The following ASTN2 variants were observed in gnomAD, a reference collection of about 807,000 sequenced individuals.
ASTN2 encodes astrotactin-2.
Under a neutral mutation model 139.8 loss-of-function variants are expected in ASTN2, and 54 were observed. The observed-to-expected ratio is 0.39, with a 90% CI of 0.31 to 0.48. The LOEUF is 0.48. Among genes scored for constraint, ASTN2 ranks in the 20% least tolerant of loss-of-function variants. The pLI, the probability that ASTN2 is intolerant of heterozygous loss-of-function variation, is 0.95. For synonymous variants in ASTN2, 756 were observed against 719.5 expected (o/e 1.05, Z -0.81); for missense variants, 1,565 against 1,725.1 (o/e 0.91, Z 1.64).
intron 1 of ASTN2, among the ~76,000 whole-genome samples, chr9:117,385,209 C>T (rs1040374581): frequency 6.6e-6 from 1 of 152,048 alleles, no homozygotes; most frequent in Non-Finnish European, 1.5e-5. Context: ...GAATATGCCT[C>T]GAACTCCTGG....
chr9:116,745,811 T>A (rs1305513550), intron 13 of ASTN2, among the ~76,000 whole-genome samples: 3 of 152,226 alleles, frequency 2.0e-5, no homozygotes, highest in African/African-American at 7.2e-5. Flanking sequence ...CACAAATATG[T>A]CATTAGCTCC....
At chr9:117,320,808 C>T (rs1272010990) in intron 1 of ASTN2, among the ~76,000 whole-genome samples, 1 of 152,190 alleles carries the variant, frequency 6.6e-6, no homozygotes, top group East Asian at 1.9e-4. Context: ...CCACCCCCAC[C>T]TGATCATGCT....
At chr9:117,058,186 G>T (rs1839121347) in intron 5 of ASTN2, among the ~76,000 whole-genome samples, 1 of 152,010 alleles carries the variant, frequency 6.6e-6, no homozygotes, top group Non-Finnish European at 1.5e-5. Flanking sequence ...TTTGATAAAA[G>T]AATAAATGGA....
rs150989388 is a variant in ASTN2, at chr9:117,254,195, T to C, written c.630+37131A>G. On this transcript the variant is annotated intron_variant, in intron 2 of 22. Coordinates refer to ENST00000313400, the MANE Select transcript of ASTN2 (RefSeq NM_001365068.1). ...ATAGAATGATGGTATGAGAAATAAA[T>C]GATAAGATGTATTGAAGCACATGGT... 4.6e-3 allele frequency among the ~76,000 whole-genome samples: 696 copies of C among 152,252 alleles called. 2 individuals carry two copies. Among genetic ancestry groups the C allele is most frequent in the Middle Eastern group, 0.014 (4 of 294 alleles).
intron 1 of ASTN2, among the ~76,000 whole-genome samples, chr9:117,322,232 C>T (rs1406119589): frequency 6.6e-6 from 1 of 152,158 alleles, no homozygotes; most frequent in Non-Finnish European, 1.5e-5. Flanking sequence ...TATGGTTATC[C>T]CTCTGCACTC....
intron 5 of ASTN2, among the ~76,000 whole-genome samples, chr9:117,065,578 A>T (rs1172241588): frequency 6.6e-6 from 1 of 152,284 alleles, no homozygotes; most frequent in Admixed American, 6.5e-5. Context: ...GTTTGCCTGG[A>T]GTGTAGACCA....
At chr9:116,840,739 G>T (rs1013393030) in intron 11 of ASTN2, among the ~76,000 whole-genome samples, 1 of 145,124 alleles carries the variant, frequency 6.9e-6, no homozygotes, top group East Asian at 2.1e-4. Flanking sequence ...CATCCCGGAC[G>T]GGGCGGCAGG....
At chr9:117,365,076 G>A (rs2130902439) in intron 1 of ASTN2, among the ~76,000 whole-genome samples, 1 of 151,810 alleles carries the variant, frequency 6.6e-6, no homozygotes, top group Non-Finnish European at 1.5e-5. Context: ...TTGAACCCTG[G>A]AGGTAGAGGT....
chr9:117,402,257 G>C (rs970058946), intron 1 of ASTN2, among the ~76,000 whole-genome samples: 1 of 152,046 alleles, frequency 6.6e-6, no homozygotes, highest in Non-Finnish European at 1.5e-5. Flanking sequence ...AGTAGAGATG[G>C]GGTTTCACCA....
intron 19 of ASTN2, among the ~76,000 whole-genome samples, chr9:116,517,843 C>T (rs972903302): frequency 6.6e-6 from 1 of 152,100 alleles, no homozygotes; most frequent in Non-Finnish European, 1.5e-5. Context: ...CAAGGACACG[C>T]TTAGAGAGAG....
At chr9:116,675,668 A>T (rs891411903) in intron 16 of ASTN2, among the ~76,000 whole-genome samples, 3 of 152,082 alleles carry the variant, frequency 2.0e-5, no homozygotes, top group Non-Finnish European at 4.4e-5. Context: ...GTGTTTGTAT[A>T]TGTGAAGGGG....
chr9:116,563,694 A>G (rs1265185537), intron 19 of ASTN2, among the ~76,000 whole-genome samples: 1 of 152,054 alleles, frequency 6.6e-6, no homozygotes, highest in African/African-American at 2.4e-5. Context: ...TTTCTTCTGT[A>G]TCAATTATCA....
rs72757409 is a variant in ASTN2 at position 117,000,343 on chromosome 9, C to T, written c.1591+7749G>A. On this transcript the variant is annotated intron_variant, in intron 7 of 22. Coordinates refer to ENST00000313400, the MANE Select transcript of ASTN2 (RefSeq NM_001365068.1). Reference sequence around the variant, plus strand: ...GGCTGTGTCTGACTCAGGAAGATATCCCAATTCTACTGTGGTTCACTACAT... The same window carrying T: ...GGCTGTGTCTGACTCAGGAAGATATTCCAATTCTACTGTGGTTCACTACAT... Among the ~76,000 whole-genome samples, 1,222 of 152,244 alleles carry T rather than the reference C, an allele frequency of 8.0e-3. 6 individuals carry two copies. Among genetic ancestry groups the T allele is most frequent in the Admixed American group, 0.012 (176 of 15,282 alleles).
rs371233848 is a variant in ASTN2 at position 116,699,230 on chromosome 9, C to G, written c.2806+26541G>C. ...TGGAAGGTGGAAAGCTTTGGTGTTT[C>G]ACAGTTGATCGAGGATCAGGGGTGG... On this transcript the variant is annotated intron_variant, in intron 16 of 22. Transcript: ENST00000313400. This position sits in a 1 kb window ranked among gnomAD's most constrained non-coding sequence, Gnocchi z 4.2. 2.8e-5 allele frequency: 46 copies of G among 1,614,114 alleles called. No individual in the cohort carries two copies. The highest frequency in any genetic ancestry group is 3.8e-5 in the Non-Finnish European group (45 of 1,180,054).
intron 5 of ASTN2, among the ~76,000 whole-genome samples, chr9:117,060,492 A>AAG (rs1839249054): frequency 1.3e-5 from 1 of 74,368 alleles, no homozygotes; most frequent in African/African-American, 6.3e-5. Context: ...AAGGAATGAA[A>AAG]GAAAGAAAGA....
rs200445639 is a variant in ASTN2 at position 116,727,064 on chromosome 9, G to GC, written c.2627-1115dup. On this transcript the variant is annotated intron_variant, in intron 15 of 22. Transcript: ENST00000313400. Reference sequence around the variant, plus strand: ...CACACACACACACACACCTGAAATGGCCTCCCTATGTCCTCCCTAAGTCAC... The same window carrying GC: ...CACACACACACACACACCTGAAATGGCCCTCCCTATGTCCTCCCTAAGTCAC... Among the ~76,000 whole-genome samples the GC allele has an allele frequency of 6.5e-3, 954 of 146,470 alleles. 6 individuals carry two copies. Among genetic ancestry groups the GC allele is most frequent in the Middle Eastern group, 0.014 (4 of 278 alleles).
At position 116,842,422 on chromosome 9, in the gene ASTN2, T is replaced by A. The variant is rs148307073; in HGVS notation, c.2040+21161A>T. Among the ~76,000 whole-genome samples, 648 of 152,282 alleles carry A rather than the reference T, an allele frequency of 4.3e-3. 7 individuals carry two copies. Among genetic ancestry groups the A allele is most frequent in the African/African-American group, 0.015 (628 of 41,564 alleles). On this transcript the variant is annotated intron_variant, in intron 11 of 22. Transcript: ENST00000313400. ...ATCACACAGGCTGAAGAAGGGCTGC[T>A]GAATTCTTCAATATGAACCATCCCT...
intron 1 of ASTN2, among the ~76,000 whole-genome samples, chr9:117,334,991 G>C (rs980258256): frequency 6.6e-6 from 1 of 152,142 alleles, no homozygotes; most frequent in Non-Finnish European, 1.5e-5. Context: ...GTAGGCAGAG[G>C]TTGCAGTGAG....
At chr9:117,262,923 T>G (rs973019405) in intron 2 of ASTN2, among the ~76,000 whole-genome samples, 4 of 152,054 alleles carry the variant, frequency 2.6e-5, no homozygotes, top group African/African-American at 7.2e-5. Context: ...GGAATATGAG[T>G]GGCTTCCAGA....
Sources: gnomAD v4.1 joint callset for allele counts (sites outside exome capture counted in the v4.1 genomes callset) on GRCh38, gnomAD v4.1.1 for gene constraint, Gnocchi (gnomAD v3.1) non-coding constraint, MANE v1.5 for transcripts, NCBI Gene and HGNC (gene_info 2026-07-23, HGNC 2026-07-21) for gene names.